ADAMTS9: variants seen among roughly 807,000 people sequenced by gnomAD.
The protein encoded by ADAMTS9 is ADAM metallopeptidase with thrombospondin type 1 motif 9.
In ADAMTS9, 107 loss-of-function variants were observed where a neutral mutation model predicts 257.1. The ratio of observed to expected loss-of-function variants is 0.42; its 90% CI spans 0.36 to 0.49. The LOEUF (loss-of-function observed/expected upper bound fraction) is 0.49, where lower values mean the gene tolerates loss of function less well. ADAMTS9 is among the 20% of genes least tolerant of loss of function. The pLI, the probability that ADAMTS9 is intolerant of heterozygous loss-of-function variation, is 0.03. For synonymous variants in ADAMTS9, 982 were observed against 880.9 expected (o/e 1.11, Z -2.03); for missense variants, 2,353 against 2,469.1 (o/e 0.95, Z 1.00).
rs868284278 is a variant in ADAMTS9, at chr3:64,561,433, G to A, written c.4698+145C>T. ...CCCACCCTTGTTGGAGCGAATGCGC[G>A]AGTCTGACAGTGAACCTTTTGGGAA... is the stretch of plus-strand genomic sequence containing the variant. On this transcript the variant is annotated intron_variant, in intron 30 of 39. Transcript: ENST00000498707. The A allele has an allele frequency of 5.4e-5, 44 of 821,132 alleles. No homozygotes were observed. In the Middle Eastern group the frequency reaches 1.1e-3, roughly 20 times the overall value. The allele number at this position is 821,132 out of a possible 1,614,324, so 50.9% of individuals were successfully genotyped here.
At chr3:64,652,238 G>A (rs1700949265) in intron 8 of ADAMTS9, among the ~76,000 whole-genome samples, 2 of 152,154 alleles carry the variant, frequency 1.3e-5, no homozygotes, top group African/African-American at 4.8e-5. Context: ...ATAAAAGTTG[G>A]AATAAAAGCC....
intron 9 of ADAMTS9, chr3:64,650,812 A>G: frequency 1.9e-6 from 1 of 513,410 alleles, no homozygotes; most frequent in Non-Finnish European, 3.3e-6. Context: ...TCTTTAGCTC[A>G]GTCTGTAATC....
At chr3:64,593,183 G>T (rs2084294332) in intron 28 of ADAMTS9, among the ~76,000 whole-genome samples, 1 of 152,078 alleles carries the variant, frequency 6.6e-6, no homozygotes, top group Admixed American at 6.5e-5. Context: ...CTAGATTTCT[G>T]CCTAATACAA....
chr3:64,647,550 C>CTTGA (rs1159094828), intron 11 of ADAMTS9, among the ~76,000 whole-genome samples: 1 of 152,288 alleles, frequency 6.6e-6, no homozygotes, highest in East Asian at 1.9e-4. Context: ...TCTACATTTC[C>CTTGA]TTGATTCTAA....
rs377190618 is a variant in ADAMTS9, at chr3:64,686,849, C to A, written c.235G>T (p.Ala79Ser). The A allele has an allele frequency of 2.5e-6, 4 of 1,614,056 alleles. No homozygotes were observed. Among genetic ancestry groups the A allele is most frequent in the Non-Finnish European group, 3.4e-6 (4 of 1,180,004 alleles). ...GCGAAGGCAGGCCAGGGGTCAGTGG[C>A]AGAGTTAATGCTCCGTCGCGTTCTT... ...FKRTRRSINSATDPWPAFASS... is the reference protein window; with the variant it reads ...FKRTRRSINSSTDPWPAFASS... Residue 79 changes from alanine (A) to serine (S), a missense_variant, in exon 2 of 40, where the codon GCC becomes TCC. By Grantham distance (99) the Ala-to-Ser change is moderately conservative (BLOSUM62 1). This residue lies in a region of ADAMTS9 where 591 missense variants were observed against 569.6 expected (regional missense o/e 1.04). Coordinates refer to ENST00000498707, the MANE Select transcript of ADAMTS9 (RefSeq NM_182920.2). This position sits in a 1 kb window ranked among gnomAD's most constrained non-coding sequence, Gnocchi z 4.6.
rs149680592 is a variant in ADAMTS9 at position 64,602,137 on chromosome 3, C to T, written c.3824G>A (p.Arg1275Gln). 2.0e-5 allele frequency: 33 copies of T among 1,613,962 alleles called. No homozygotes were observed. Among genetic ancestry groups the T allele is most frequent in the Middle Eastern group, 1.6e-4 (1 of 6,082 alleles). The change falls in exon 26 of 40, where the codon CGG (arginine) becomes CAG (glutamine). Residue 1275 changes from arginine (R) to glutamine (Q), a missense_variant. Coordinates refer to ENST00000498707, the MANE Select transcript of ADAMTS9 (RefSeq NM_182920.2). Reference sequence around the variant, plus strand: ...GATATAATCCTGGTCACACTCACTCCGATCGATCACGTGGTCACTGTAGTT... The same window carrying T: ...GATATAATCCTGGTCACACTCACTCTGATCGATCACGTGGTCACTGTAGTT... ...CVNYSDHVID[R>Q]SECDQDYIPE...
In ADAMTS9 at chr3:64,533,167, G is replaced by T; in HGVS notation, c.5717C>A (p.Pro1906Gln). ...CCCAACCCATCTGTAGAACCTTACC[G>T]GCGACTTCTTGATGTCAGAGACAGC... is the stretch of plus-strand genomic sequence containing the variant. Reference protein sequence around the residue: ...NYAVSDIKKSPDGTRVVGKCG... With the variant: ...NYAVSDIKKSQDGTRVVGKCG... The change falls in exon 38 of 40, where the codon CCG becomes CAG. Residue 1906 changes from proline to glutamine, a missense_variant and splice_region_variant. By Grantham distance (76) the Pro-to-Gln change is moderately conservative (BLOSUM62 -1). This residue lies in a region of ADAMTS9 where 1,402 missense variants were observed against 1,441.4 expected (regional missense o/e 0.97). Coordinates refer to ENST00000498707, the MANE Select transcript of ADAMTS9 (RefSeq NM_182920.2). The T allele has an allele frequency of 6.2e-7, 1 of 1,611,996 alleles. No individual in the cohort carries two copies. The highest frequency in any genetic ancestry group is 1.1e-5 in the South Asian group (1 of 90,916).
At chr3:64,681,995 G>A (rs962311637) in intron 2 of ADAMTS9, among the ~76,000 whole-genome samples, 1 of 152,174 alleles carries the variant, frequency 6.6e-6, no homozygotes, top group Non-Finnish European at 1.5e-5. Context: ...TCTTCCCATT[G>A]ATTCAAATTC....
intron 30 of ADAMTS9, among the ~76,000 whole-genome samples, chr3:64,556,158 G>C (rs1307286498): frequency 3.3e-5 from 5 of 152,124 alleles, no homozygotes; most frequent in Non-Finnish European, 7.3e-5. Flanking sequence ...CTCCAAGTAT[G>C]TATCAGAGTG....
At chr3:64,561,200 T>A (rs1348284122) in intron 30 of ADAMTS9, 1 of 162,922 alleles carries the variant, frequency 6.1e-6, no homozygotes, top group African/African-American at 2.4e-5. Flanking sequence ...AAGTCTGCCC[T>A]GCGGCTATTT....
chr3:64,593,515 G>T (rs79532478), intron 28 of ADAMTS9, among the ~76,000 whole-genome samples: 3,245 of 152,286 alleles, frequency 0.021, 69 homozygotes, highest in Non-Finnish European at 0.034. Flanking sequence ...TGACACAGCT[G>T]ATGCTTCTGT....
intron 26 of ADAMTS9, among the ~76,000 whole-genome samples, chr3:64,599,771 G>A (rs1180088227): frequency 6.6e-6 from 1 of 152,212 alleles, no homozygotes; most frequent in African/African-American, 2.4e-5. Flanking sequence ...GACCAAATGT[G>A]TGCGGCCACC....
At position 64,541,915 on chromosome 3, in the gene ADAMTS9, T is replaced by C. The variant is rs372767622; in HGVS notation, c.5120A>G (p.Asn1707Ser). 1.9e-6 allele frequency: 3 copies of C among 1,614,136 alleles called. No homozygotes were observed. The highest frequency in any genetic ancestry group is 2.7e-5 in the African/African-American group (2 of 75,040). ...GCATAAGTGGCTGGGTTGGTCCTCA[T>C]TGGTTAAACATTGCACAGATCTCTG... ...VMQRSVQCLT[N>S]EDQPSHLCHT... The change falls in exon 33 of 40, where the codon AAT (asparagine) becomes AGT (serine). Residue 1707 changes from asparagine to serine, a missense_variant. Physicochemically the swap from Asn to Ser is conservative, Grantham distance 46. Coordinates refer to ENST00000498707, the MANE Select transcript of ADAMTS9 (RefSeq NM_182920.2).
At chr3:64,680,498 G>A (rs1701726541) in intron 3 of ADAMTS9, among the ~76,000 whole-genome samples, 1 of 152,168 alleles carries the variant, frequency 6.6e-6, no homozygotes, top group Admixed American at 6.5e-5. Context: ...GACTGCAGAT[G>A]AAGAAACACA....
At chr3:64,581,417 T>C (rs1427436859) in intron 28 of ADAMTS9, among the ~76,000 whole-genome samples, 1 of 152,100 alleles carries the variant, frequency 6.6e-6, no homozygotes, top group Non-Finnish European at 1.5e-5. Flanking sequence ...GACCAGGTTG[T>C]GAGACTGGCT....
At chr3:64,639,557 A>G (rs968437851) in intron 12 of ADAMTS9, among the ~76,000 whole-genome samples, 11 of 112,036 alleles carry the variant, frequency 9.8e-5, no homozygotes, top group African/African-American at 4.8e-4. Context: ...GACTTAACAA[A>G]GTATTATTTT....
At chr3:64,678,281 C>G (rs748457588) in intron 3 of ADAMTS9, among the ~76,000 whole-genome samples, 3 of 152,202 alleles carry the variant, frequency 2.0e-5, no homozygotes, top group Non-Finnish European at 2.9e-5. Context: ...AAGGACTCCT[C>G]CAGTTCCAGT....
chr3:64,683,556 T>C (rs1470963617), intron 2 of ADAMTS9, among the ~76,000 whole-genome samples: 1 of 152,154 alleles, frequency 6.6e-6, no homozygotes, highest in African/African-American at 2.4e-5. Flanking sequence ...TTCTGAGGAT[T>C]GGGTTCTTGG....
At position 64,532,002 on chromosome 3, in the gene ADAMTS9, G is replaced by C. The variant is rs752159598; in HGVS notation, c.5718+1164C>G. 3.9e-4 allele frequency among the ~76,000 whole-genome samples: 59 copies of C among 152,286 alleles called. 1 individual carries two copies. The highest frequency in any genetic ancestry group is 3.3e-3 in the Admixed American group (50 of 15,296). ...GCTGTACATTTGAATCATTTGGGGAGCTTTAAATTCTACTCCTGCCAGGTC... is the reference window on the plus strand; with the variant it reads ...GCTGTACATTTGAATCATTTGGGGACCTTTAAATTCTACTCCTGCCAGGTC... On this transcript the variant is annotated intron_variant, in intron 38 of 39. Transcript: ENST00000498707.
Sources: gnomAD v4.1 joint callset for allele counts (sites outside exome capture counted in the v4.1 genomes callset) on GRCh38, gnomAD v4.1.1 for gene constraint, gnomAD v4.1.1 regional missense constraint, Gnocchi (gnomAD v3.1) non-coding constraint, MANE v1.5 for transcripts, NCBI Gene and HGNC (gene_info 2026-07-23, HGNC 2026-07-21) for gene names.